The following SP4 variants were observed in gnomAD, a reference collection of about 807,000 sequenced individuals.
SP4 encodes transcription factor Sp4.
A neutral mutation model predicts 72.8 loss-of-function variants in SP4; 19 were observed. The observed-to-expected ratio is 0.26, with a 90% CI of 0.18 to 0.38. The LOEUF is 0.38. Among genes scored for constraint, SP4 ranks in the 10% least tolerant of loss-of-function variants. SP4 has a pLI of 1.00. For missense variants in SP4, 1,008 were observed against 926.3 expected (o/e 1.09, Z -1.14); for synonymous variants, 395 against 333.1 (o/e 1.19, Z -2.02).
rs747445888 is a variant in SP4, at chr7:21,430,125, C to T, written c.960C>T (p.Ser320=). The T allele has an allele frequency of 1.9e-6, 3 of 1,614,212 alleles. No homozygotes were observed. Among genetic ancestry groups the T allele is most frequent in the East Asian group, 4.5e-5 (2 of 44,884 alleles). ...GTACTATGCCAGAATCTCCCTCCTCCTCCACTACCTGCACAACCACTGCTT... is the reference window on the plus strand; with the variant it reads ...GTACTATGCCAGAATCTCCCTCCTCTTCCACTACCTGCACAACCACTGCTT... The part of the protein sequence containing the change: ...SASTMPESPS[S]STTCTTTAST... Residue 320 remains serine, a synonymous_variant, in exon 3 of 6, where the codon TCC becomes TCT. Coordinates refer to ENST00000222584, the MANE Select transcript of SP4 (RefSeq NM_003112.5).
At chr7:21,460,844 A>G (rs1475559617) in intron 3 of SP4, among the ~76,000 whole-genome samples, 1 of 152,190 alleles carries the variant, frequency 6.6e-6, no homozygotes, top group African/African-American at 2.4e-5. Context: ...CTTGAGCTAG[A>G]CACAGAGTGC....
At chr7:21,497,075 AT>A (rs1188437948) in intron 5 of SP4, among the ~76,000 whole-genome samples, 1 of 152,226 alleles carries the variant, frequency 6.6e-6, no homozygotes, top group Non-Finnish European at 1.5e-5. Context: ...CCCAATTATT[AT>A]CCCCTGTCTT....
At chr7:21,505,087 GTTC>G (rs1165301303) in intron 5 of SP4, among the ~76,000 whole-genome samples, 1 of 152,160 alleles carries the variant, frequency 6.6e-6, no homozygotes, top group Non-Finnish European at 1.5e-5. Flanking sequence ...AAGGGATTGG[GTTC>G]TTCTTTTAGT....
intron 3 of SP4, among the ~76,000 whole-genome samples, chr7:21,446,898 G>T (rs10464213): frequency 0.15 from 23,123 of 149,432 alleles, 2,979 homozygotes; most frequent in East Asian, 0.63. Context: ...ATCTAATATT[G>T]ACTCTAACGC....
chr7:21,435,966 G>A lies in SP4; in HGVS notation c.1678+5123G>A, dbSNP rs985755538. 4.6e-5 allele frequency among the ~76,000 whole-genome samples: 7 copies of A among 151,964 alleles called. No homozygotes were observed. The South Asian group carries it at 1.2e-3, about 27-fold the overall frequency. The stretch of plus-strand genomic sequence containing the variant: ...CGCCCAGGCTGGAGTGCAGTGGCAC[G>A]ATATCTGTTCCAACCTCCACCTCCT... On this transcript the variant is annotated intron_variant, in intron 3 of 5. Coordinates refer to ENST00000222584, the MANE Select transcript of SP4 (RefSeq NM_003112.5).
rs1782169857 is a variant in SP4, at chr7:21,512,311, C to T, written c.*1042C>T. 1 of 152,442 alleles carries T rather than the reference C, an allele frequency of 6.6e-6. No homozygotes were observed. Among genetic ancestry groups the T allele is most frequent in the South Asian group, 2.1e-4 (1 of 4,820 alleles). 9.4% of individuals were successfully genotyped at this position (152,442 alleles called of 1,614,324 possible). Reference sequence around the variant, plus strand: ...TTAACTACATTGTAATTCTTGTTTTCCTCTACTAAAAATTGGCCAGTCCCA... The same window carrying T: ...TTAACTACATTGTAATTCTTGTTTTTCTCTACTAAAAATTGGCCAGTCCCA... On this transcript the variant is annotated 3_prime_UTR_variant, in exon 6 of 6. Coordinates refer to ENST00000222584, the MANE Select transcript of SP4 (RefSeq NM_003112.5).
intron 3 of SP4, among the ~76,000 whole-genome samples, chr7:21,463,249 G>C (rs183112050): frequency 1.3e-5 from 2 of 152,176 alleles, no homozygotes; most frequent in East Asian, 1.9e-4. Context: ...ATCATCTACA[G>C]ATTGTAAGGT....
chr7:21,512,968 A>G lies in SP4; in HGVS notation c.*1699A>G, dbSNP rs995643156. On this transcript the variant is annotated 3_prime_UTR_variant, in exon 6 of 6. Transcript: ENST00000222584. The stretch of plus-strand genomic sequence containing the variant: ...ATAAGGATATTTTATGTTTTAAAAA[A>G]GTATTTACACAGAATCATAATCAGT... 1 of 152,670 alleles carries G rather than the reference A, an allele frequency of 6.6e-6. No homozygotes were observed. The highest frequency in any genetic ancestry group is 2.4e-5 in the African/African-American group (1 of 41,462). The allele number at this position is 152,670 out of a possible 1,614,324, so 9.5% of individuals were successfully genotyped here. A position where few individuals can be genotyped will look rare whatever the true frequency, so the allele number is the denominator to read the frequency against.
chr7:21,473,077 G>A (rs1435920403), intron 3 of SP4, among the ~76,000 whole-genome samples: 3 of 152,192 alleles, frequency 2.0e-5, no homozygotes. Context: ...GAGATGATCA[G>A]AACACTACTT....
intron 3 of SP4, among the ~76,000 whole-genome samples, chr7:21,475,203 C>T (rs1306794982): frequency 4.6e-5 from 7 of 151,822 alleles, no homozygotes; most frequent in Non-Finnish European, 1.0e-4. Flanking sequence ...AAACCTCTGC[C>T]TCCCGGGTTC....
intron 3 of SP4, among the ~76,000 whole-genome samples, chr7:21,462,378 A>G (rs1784023469): frequency 1.3e-5 from 2 of 152,212 alleles, no homozygotes; most frequent in Non-Finnish European, 2.9e-5. Context: ...AATAAAAATA[A>G]AAAAGAATTT....
intron 3 of SP4, among the ~76,000 whole-genome samples, chr7:21,449,011 C>G (rs1783507584): frequency 6.6e-6 from 1 of 152,158 alleles, no homozygotes; most frequent in Non-Finnish European, 1.5e-5. Context: ...AGACAATTCT[C>G]CTGCAAATGC....
intron 5 of SP4, 66 bp from the exon 6 acceptor site, chr7:21,510,956 T>C: frequency 6.9e-7 from 1 of 1,444,672 alleles, no homozygotes; most frequent in Non-Finnish European, 9.4e-7. Flanking sequence ...AGAAGGGAGA[T>C]TATTAAAAAT....
intron 3 of SP4, among the ~76,000 whole-genome samples, chr7:21,447,656 T>C (rs1306958763): frequency 6.6e-6 from 1 of 152,192 alleles, no homozygotes; most frequent in Non-Finnish European, 1.5e-5. Context: ...GCATAGAGTT[T>C]AATGTTGGAT....
intron 3 of SP4, among the ~76,000 whole-genome samples, chr7:21,450,638 G>A (rs10233925): frequency 0.035 from 5,330 of 152,192 alleles, 331 homozygotes; most frequent in East Asian, 0.26. Flanking sequence ...TTAGGTTAAG[G>A]AAATACATTC....
Position 21,464,070 on chromosome 7 carries a change from G to T in SP4, c.1679-13009G>T, listed in dbSNP as rs972188214. Among the ~76,000 whole-genome samples, 12 of 150,704 alleles carry T rather than the reference G, an allele frequency of 8.0e-5. No individual in the cohort carries two copies. The East Asian group carries it at 2.3e-3, about 29-fold the overall frequency. On this transcript the variant is annotated intron_variant, in intron 3 of 5. Coordinates refer to ENST00000222584, the MANE Select transcript of SP4 (RefSeq NM_003112.5). ...CTAAGTGCTAGCAACTATTTATTATGATAATTATTATTTATTCTTATATCT... is the reference window on the plus strand; with the variant it reads ...CTAAGTGCTAGCAACTATTTATTATTATAATTATTATTTATTCTTATATCT...
chr7:21,465,284 TAGAC>T (rs1255299228), intron 3 of SP4, among the ~76,000 whole-genome samples: 1 of 152,194 alleles, frequency 6.6e-6, no homozygotes, highest in Non-Finnish European at 1.5e-5. Context: ...TCAGAATTGA[TAGAC>T]AGGTGTTACT....
In SP4 at chr7:21,514,062, T is replaced by C. The variant is rs1782209695; in HGVS notation, c.*2793T>C. The C allele has an allele frequency of 6.6e-6, 1 of 152,642 alleles. No homozygotes were observed. The highest frequency in any genetic ancestry group is 2.1e-4 in the South Asian group (1 of 4,826). 9.5% of individuals were successfully genotyped at this position (152,642 alleles called of 1,614,324 possible). ...GTTATAAAACTTTTCTTTATTGTAA[T>C]TATCAGTGCAAAGCTATGTATTTAT... On this transcript the variant is annotated 3_prime_UTR_variant, in exon 6 of 6. Transcript: ENST00000222584.
Position 21,460,747 on chromosome 7 carries a change from C to A in SP4, c.1679-16332C>A, listed in dbSNP as rs1347564884. On this transcript the variant is annotated intron_variant, in intron 3 of 5. Coordinates refer to ENST00000222584, the MANE Select transcript of SP4 (RefSeq NM_003112.5). The stretch of plus-strand genomic sequence containing the variant: ...TAGACACAAAAGTTCTCCACGTCAC[C>A]ACTAGATTAGCTACATACAGAGTGT... 5.9e-5 allele frequency among the ~76,000 whole-genome samples: 9 copies of A among 152,092 alleles called. No homozygotes were observed. The South Asian group carries it at 1.9e-3, about 32-fold the overall frequency.
Sources: gnomAD v4.1 joint callset for allele counts (sites outside exome capture counted in the v4.1 genomes callset) on GRCh38, gnomAD v4.1.1 for gene constraint, MANE v1.5 for transcripts, NCBI Gene and HGNC (gene_info 2026-07-23, HGNC 2026-07-21) for gene names.